Variants in PPP6R2 observed in about 807,000 individuals in gnomAD.
PPP6R2 encodes the protein serine/threonine-protein phosphatase 6 regulatory subunit 2.
In PPP6R2, 62 loss-of-function variants were observed where a neutral mutation model predicts 100.2. The observed-to-expected ratio is 0.62, with a 90% CI of 0.50 to 0.76. The LOEUF is 0.76. Ranked by LOEUF, PPP6R2 falls within the 30% of genes least tolerant of loss-of-function variation. The pLI is 0.00. For missense variants in PPP6R2, 1,142 were observed against 1,276.3 expected, an observed-to-expected ratio of 0.89 and a Z score of 1.60; for synonymous variants, 525 against 514.7, an observed-to-expected ratio of 1.02 and a Z score of -0.27.
chr22:50,371,070 A>G (rs1484721627), intron 1 of PPP6R2, among the ~76,000 whole-genome samples: 8 of 152,210 alleles, frequency 5.3e-5, no homozygotes, highest in Non-Finnish European at 1.2e-4. Flanking sequence ...CTTTTTTAAA[A>G]CAAATTTTAT....
intron 10 of PPP6R2, among the ~76,000 whole-genome samples, chr22:50,428,652 G>A (rs1228067933): frequency 1.3e-5 from 2 of 152,050 alleles, no homozygotes; most frequent in African/African-American, 2.4e-5. Context: ...GGGAGGTCAG[G>A]GCTGCAGAGC....
At chr22:50,370,446 C>G (rs1209334986) in intron 1 of PPP6R2, among the ~76,000 whole-genome samples, 2 of 151,354 alleles carry the variant, frequency 1.3e-5, no homozygotes, top group Admixed American at 6.6e-5. Flanking sequence ...TGCCACCACG[C>G]CCAGCTAATT....
At position 50,432,327 on chromosome 22, in the gene PPP6R2, G is replaced by A. The variant is rs375288131; in HGVS notation, c.1398G>A (p.Thr466=). ...AGGCCTGGGAAGCCAACGACCACAC[G>A]CAGTAAGAGCCGCTCGGACGTGGAG... ...ILEAWEANDH[T]QAAGGMRRGN... The change falls in exon 12 of 24, where the codon ACG becomes ACA. Residue 466 remains threonine (T), a splice_region_variant and synonymous_variant. Transcript: ENST00000612753. 7.1e-6 allele frequency: 11 copies of A among 1,549,006 alleles called. No individual in the cohort carries two copies. Among genetic ancestry groups the A allele is most frequent in the Admixed American group, 2.0e-5 (1 of 51,012 alleles).
chr22:50,444,738 C>T lies in PPP6R2; in HGVS notation c.*491C>T, dbSNP rs1191747841. ...GGGCCTGGGTTGGAAAAACCTGACTCACAGGAATGCATAATTGACCCTTGC... is the reference window on the plus strand; with the variant it reads ...GGGCCTGGGTTGGAAAAACCTGACTTACAGGAATGCATAATTGACCCTTGC... On this transcript the variant is annotated 3_prime_UTR_variant, in exon 24 of 24. Coordinates refer to ENST00000612753, the MANE Select transcript of PPP6R2 (RefSeq NM_001242898.2). The T allele has an allele frequency of 1.2e-5, 2 of 172,182 alleles. No individual in the cohort carries two copies. Among genetic ancestry groups the T allele is most frequent in the African/African-American group, 4.8e-5 (2 of 41,684 alleles). The allele number at this position is 172,182 out of a possible 1,614,324, so 10.7% of individuals were successfully genotyped here. A position where few individuals can be genotyped will look rare whatever the true frequency, so the allele number is the denominator to read the frequency against.
intron 1 of PPP6R2, among the ~76,000 whole-genome samples, chr22:50,365,111 G>T (rs546051163): frequency 7.9e-5 from 9 of 114,296 alleles, no homozygotes; most frequent in African/African-American, 1.4e-4. Context: ...TGCTCTTGTT[G>T]CCCAGGCTGG....
At chr22:50,403,784 G>A (rs1364886357) in intron 3 of PPP6R2, among the ~76,000 whole-genome samples, 2 of 152,172 alleles carry the variant, frequency 1.3e-5, no homozygotes, top group Non-Finnish European at 2.9e-5. Flanking sequence ...AGCTCTAAAA[G>A]TGGCACTTTC....
intron 1 of PPP6R2, among the ~76,000 whole-genome samples, chr22:50,362,243 G>A (rs1486035058): frequency 6.6e-6 from 1 of 152,214 alleles, no homozygotes; most frequent in African/African-American, 2.4e-5. Context: ...CTAGTGTTGA[G>A]CAGATGGAGG....
Position 50,416,167 on chromosome 22 carries a change from C to T in PPP6R2, c.618+10C>T, listed in dbSNP as rs753770294. 6.2e-7 allele frequency: 1 copy of T among 1,610,998 alleles called. No homozygotes were observed. On this transcript the variant is annotated intron_variant, in intron 6 of 23. Transcript: ENST00000612753. ...GAGCCAGGATGAAGATGTGAGTGTG[C>T]TGCTTACCGAGCTTCGTGCATCAGT...
chr22:50,444,019 C>G lies in PPP6R2; in HGVS notation c.2733C>G (p.Val911=), dbSNP rs1448579257. ...KAGPAIPTPA[V]SSALAVAVPL... ...GCCCCGCCATACCCACCCCAGCAGT[C>G]TCTTCTGCACTGGCCGTGGCGGTCC... The change falls in exon 23 of 24, where the codon GTC becomes GTG. Residue 911 remains valine, a synonymous_variant. Transcript: ENST00000612753. The G allele has an allele frequency of 6.2e-7, 1 of 1,613,508 alleles. No homozygotes were observed. Among genetic ancestry groups the G allele is most frequent in the Non-Finnish European group, 8.5e-7 (1 of 1,179,962 alleles).
At chr22:50,387,327 C>G (rs1421922917) in intron 2 of PPP6R2, among the ~76,000 whole-genome samples, 1 of 152,078 alleles carries the variant, frequency 6.6e-6, no homozygotes, top group Non-Finnish European at 1.5e-5. Context: ...CCTCGGCCTC[C>G]CGAATTGTTG....
intron 1 of PPP6R2, among the ~76,000 whole-genome samples, chr22:50,359,193 T>A (rs2047264600): frequency 6.7e-6 from 1 of 149,372 alleles, no homozygotes; most frequent in Non-Finnish European, 1.5e-5. Flanking sequence ...AGAGACACGG[T>A]TTCATCCTGT....
intron 3 of PPP6R2, 113 bp from the exon 4 acceptor site, chr22:50,406,576 A>G: frequency 1.1e-6 from 1 of 935,772 alleles, no homozygotes; most frequent in Non-Finnish European, 1.6e-6. Context: ...TGAGGTCTGT[A>G]GTGTTTGTTT....
chr22:50,444,073 AG>A lies in PPP6R2; in HGVS notation c.2788del (p.Ala930ProfsTer11). On this transcript the variant is annotated frameshift_variant, in exon 23 of 24. Transcript: ENST00000612753. LOFTEE classifies it low-confidence loss of function (END_TRUNC). ...TAGGGCCCATCATGGCAGTCACAGCAGCCCCAGCCATGGTGGCCACCCTGGG... is the reference window on the plus strand; with the variant it reads ...TAGGGCCCATCATGGCAGTCACAGCACCCCAGCCATGGTGGCCACCCTGGG... ...PLGPIMAVTA[A>X]PAMVATLGTV... 5 of 1,612,716 alleles carry A rather than the reference AG, an allele frequency of 3.1e-6. No individual in the cohort carries two copies. Among genetic ancestry groups the A allele is most frequent in the Non-Finnish European group, 4.2e-6 (5 of 1,179,372 alleles).
At chr22:50,357,696 C>T (rs1401548589) in intron 1 of PPP6R2, among the ~76,000 whole-genome samples, 1 of 150,818 alleles carries the variant, frequency 6.6e-6, no homozygotes, top group Non-Finnish European at 1.5e-5. Flanking sequence ...GGCATGATCT[C>T]CACTGCAACC....
At chr22:50,413,241 G>A (rs1034215987) in intron 4 of PPP6R2, among the ~76,000 whole-genome samples, 4 of 152,102 alleles carry the variant, frequency 2.6e-5, no homozygotes, top group African/African-American at 7.3e-5. Context: ...GGGATTACAG[G>A]CGTGAGCCAC....
At chr22:50,351,423 G>A (rs1370449282) in intron 1 of PPP6R2, among the ~76,000 whole-genome samples, 3 of 149,580 alleles carry the variant, frequency 2.0e-5, no homozygotes, top group African/African-American at 4.9e-5. Flanking sequence ...CTGCATTAGC[G>A]AGTCAGCCTG....
chr22:50,354,134 G>T (rs1383925207), intron 1 of PPP6R2, among the ~76,000 whole-genome samples: 1 of 151,836 alleles, frequency 6.6e-6, no homozygotes, highest in South Asian at 2.1e-4. Flanking sequence ...GTGAAACCCT[G>T]TCTCTACTAA....
At chr22:50,334,493 T>C in the PPP6R2 span, among the ~76,000 whole-genome samples, 2 of 152,188 alleles carry the variant, frequency 1.3e-5, no homozygotes, top group African/African-American at 4.8e-5. Flanking sequence ...TATATAATCA[T>C]ATATATAATC....
chr22:50,422,391 G>A lies in PPP6R2; in HGVS notation c.972+11G>A, dbSNP rs201201978. On this transcript the variant is annotated intron_variant, in intron 9 of 23. Transcript: ENST00000612753. ...CTCAACCCGCCCAAGGTAAATGGCC[G>A]TGGCGACTGCTGAGTGCCTTTGGAG... 74 of 1,613,486 alleles carry A rather than the reference G, an allele frequency of 4.6e-5. No individual in the cohort carries two copies. The highest frequency in any genetic ancestry group is 1.3e-4 in the Admixed American group (8 of 59,944).
Sources: allele counts gnomAD v4.1 joint callset (sites outside exome capture counted in the v4.1 genomes callset), GRCh38; gene constraint gnomAD v4.1.1; transcripts MANE v1.5; gene names NCBI Gene and HGNC (gene_info 2026-07-23, HGNC 2026-07-21).